The following CCDC85A variants were observed in gnomAD, a reference collection of about 807,000 sequenced individuals.
CCDC85A encodes the protein coiled-coil domain-containing protein 85A.
Under a neutral mutation model 50.2 loss-of-function variants are expected in CCDC85A, and 38 were observed. The ratio of observed to expected loss-of-function variants is 0.76; its 90% CI spans 0.58 to 0.99. CCDC85A has a LOEUF of 0.99. CCDC85A is among the 50% of genes least tolerant of loss of function. The pLI is 0.00. For synonymous variants in CCDC85A, 366 were observed against 301.4 expected, an observed-to-expected ratio of 1.21 and a Z score of -2.22; for missense variants, 820 against 742.0, an observed-to-expected ratio of 1.11 and a Z score of -1.22.
intron 3 of CCDC85A, among the ~76,000 whole-genome samples, chr2:56,359,480 C>T (rs757154194): frequency 5.9e-5 from 9 of 152,222 alleles, no homozygotes; most frequent in African/African-American, 1.2e-4. Context: ...TGTTTCCTGG[C>T]GATCTCTTCC....
chr2:56,316,520 G>A (rs1351370381), intron 2 of CCDC85A, among the ~76,000 whole-genome samples: 1 of 151,994 alleles, frequency 6.6e-6, no homozygotes, highest in Admixed American at 6.6e-5. Context: ...GAAGCTCAGT[G>A]GTCAATTCTT....
Position 56,358,221 on chromosome 2 carries a change from G to T in CCDC85A, c.1318-14123G>T, listed in dbSNP as rs190398548. 5.5e-4 allele frequency among the ~76,000 whole-genome samples: 84 copies of T among 152,276 alleles called. No homozygotes were observed. In the East Asian group the frequency reaches 0.016, roughly 29 times the overall value. On this transcript the variant is annotated intron_variant, in intron 3 of 5. Coordinates refer to ENST00000407595, the MANE Select transcript of CCDC85A (RefSeq NM_001080433.2). ...GGGGTCTGAATACGACAGATCCCAG[G>T]AAACCTGGGCTTTAGTTTCTAGTCC...
chr2:56,340,626 A>T (rs767471952), intron 2 of CCDC85A, among the ~76,000 whole-genome samples: 51 of 152,122 alleles, frequency 3.4e-4, no homozygotes, highest in Admixed American at 6.5e-4. Context: ...CTGTAATCCC[A>T]GCACTTTGGG....
Position 56,192,268 on chromosome 2 carries a change from G to A in CCDC85A, c.277-209G>A, listed in dbSNP as rs1676329671. ...GTAAAAATTAGATGACATAATGCAA[G>A]TAAAGTATTGTGCAGGGATAGAACT... On this transcript the variant is annotated intron_variant, in intron 1 of 5. Transcript: ENST00000407595. This position sits in a 1 kb window ranked among gnomAD's most constrained non-coding sequence, Gnocchi z 4.7. Among the ~76,000 whole-genome samples, 1 of 152,176 alleles carries A rather than the reference G, an allele frequency of 6.6e-6. No homozygotes were observed. Among genetic ancestry groups the A allele is most frequent in the South Asian group, 2.1e-4 (1 of 4,834 alleles).
intron 2 of CCDC85A, among the ~76,000 whole-genome samples, chr2:56,245,010 G>A (rs1405404837): frequency 6.6e-6 from 1 of 152,088 alleles, no homozygotes; most frequent in Non-Finnish European, 1.5e-5. Context: ...CTCTTTTGGA[G>A]CTGCAAGCTG....
At chr2:56,226,323 T>C (rs1255430964) in intron 2 of CCDC85A, among the ~76,000 whole-genome samples, 2 of 152,212 alleles carry the variant, frequency 1.3e-5, no homozygotes, top group Non-Finnish European at 2.9e-5. Context: ...TTGCTTTGCT[T>C]ACCATTGGTT....
At chr2:56,294,545 T>C (rs1671863685) in intron 2 of CCDC85A, among the ~76,000 whole-genome samples, 1 of 152,242 alleles carries the variant, frequency 6.6e-6, no homozygotes, top group African/African-American at 2.4e-5. Flanking sequence ...GATCTAGGAA[T>C]GGCTTCTTGG....
In CCDC85A at chr2:56,185,036, C is replaced by T. The variant is rs538146349; in HGVS notation, c.276+136C>T. 5.6e-6 allele frequency: 6 copies of T among 1,070,142 alleles called. No homozygotes were observed. In the African/African-American group the frequency reaches 1.0e-4, roughly 18 times the overall value. The allele number at this position is 1,070,142 out of a possible 1,614,324, so 66.3% of individuals were successfully genotyped here. On this transcript the variant is annotated intron_variant, in intron 1 of 5. Transcript: ENST00000407595. Reference sequence around the variant, plus strand: ...TTCTCCCGGTCGGCACCCCCTACCCCCAGTCCCCAGCCCCTGTGTAACTTT... The same window carrying T: ...TTCTCCCGGTCGGCACCCCCTACCCTCAGTCCCCAGCCCCTGTGTAACTTT...
intron 2 of CCDC85A, among the ~76,000 whole-genome samples, chr2:56,237,326 G>T (rs1669063256): frequency 3.9e-5 from 6 of 152,128 alleles, no homozygotes; most frequent in Admixed American, 3.9e-4. Context: ...TACATAACAG[G>T]CAGGCCCAGC....
At chr2:56,235,634 T>C (rs1573072752) in intron 2 of CCDC85A, among the ~76,000 whole-genome samples, 1 of 152,100 alleles carries the variant, frequency 6.6e-6, no homozygotes, top group African/African-American at 2.4e-5. Context: ...CAGGCATCAG[T>C]GTCATAATAT....
In CCDC85A at chr2:56,229,856, C is replaced by T. The variant is rs974116488; in HGVS notation, c.1240+36416C>T. ...CAAAGATGAATCAGCTCCAACAAAT[C>T]GGTTTTCACCAGGGAATTAATATGA... On this transcript the variant is annotated intron_variant, in intron 2 of 5. Coordinates refer to ENST00000407595, the MANE Select transcript of CCDC85A (RefSeq NM_001080433.2). Among the ~76,000 whole-genome samples the T allele has an allele frequency of 4.6e-5, 7 of 152,164 alleles. No homozygotes were observed. In the East Asian group the frequency reaches 7.7e-4, roughly 17 times the overall value.
At chr2:56,202,753 C>T (rs1676796439) in intron 2 of CCDC85A, among the ~76,000 whole-genome samples, 1 of 152,184 alleles carries the variant, frequency 6.6e-6, no homozygotes. Context: ...GATTTTTGTT[C>T]ATAGCAGCCT....
intron 2 of CCDC85A, among the ~76,000 whole-genome samples, chr2:56,194,831 ACT>A (rs1439837048): frequency 3.3e-5 from 5 of 151,498 alleles, no homozygotes; most frequent in Non-Finnish European, 7.4e-5. Flanking sequence ...ACCTTCACTC[ACT>A]CTTCCCAAGA....
chr2:56,329,783 A>G (rs1009234150), intron 2 of CCDC85A, among the ~76,000 whole-genome samples: 1 of 152,086 alleles, frequency 6.6e-6, no homozygotes, highest in African/African-American at 2.4e-5. Flanking sequence ...TAATTTGATA[A>G]AAATTATTTT....
At chr2:56,317,590 A>G (rs1447762182) in intron 2 of CCDC85A, among the ~76,000 whole-genome samples, 1 of 152,106 alleles carries the variant, frequency 6.6e-6, no homozygotes, top group East Asian at 1.9e-4. Context: ...TTGGAATTGT[A>G]TTCATAATTG....
At chr2:56,251,968 G>A (rs1312629715) in intron 2 of CCDC85A, among the ~76,000 whole-genome samples, 2 of 151,500 alleles carry the variant, frequency 1.3e-5, no homozygotes, top group East Asian at 3.9e-4. Flanking sequence ...TTGTCGGATA[G>A]TCTGTGCTAT....
Position 56,269,482 on chromosome 2 carries a change from A to G in CCDC85A, c.1241-73397A>G, listed in dbSNP as rs954446467. 3.3e-5 allele frequency among the ~76,000 whole-genome samples: 5 copies of G among 152,076 alleles called. 1 individual carries two copies. Among genetic ancestry groups the G allele is most frequent in the South Asian group, 4.1e-4 (2 of 4,822 alleles). On this transcript the variant is annotated intron_variant, in intron 2 of 5. Coordinates refer to ENST00000407595, the MANE Select transcript of CCDC85A (RefSeq NM_001080433.2). ...TGAAAACATTGCTAGGGCTCCTCCT[A>G]TGTTCTTGGAAGAGGCCCTTACAAG...
At position 56,287,504 on chromosome 2, in the gene CCDC85A, A is replaced by G. The variant is rs1490553156; in HGVS notation, c.1241-55375A>G. 2.6e-5 allele frequency among the ~76,000 whole-genome samples: 4 copies of G among 152,320 alleles called. No homozygotes were observed. In the East Asian group the frequency reaches 7.7e-4, roughly 29 times the overall value. On this transcript the variant is annotated intron_variant, in intron 2 of 5. Transcript: ENST00000407595. ...ATGTCTGAAAACAGGCCAGTATTCC[A>G]CCAACTTTCTAGTTGTTTATGGCAG...
intron 3 of CCDC85A, among the ~76,000 whole-genome samples, chr2:56,366,078 G>T (rs566165978): frequency 6.6e-6 from 1 of 152,270 alleles, no homozygotes; most frequent in Admixed American, 6.5e-5. Flanking sequence ...GTTGTGACAA[G>T]TGACAGGATT....
Sources: allele counts gnomAD v4.1 joint callset (sites outside exome capture counted in the v4.1 genomes callset), GRCh38; gene constraint gnomAD v4.1.1; non-coding constraint Gnocchi (gnomAD v3.1); transcripts MANE v1.5; gene names NCBI Gene and HGNC (gene_info 2026-07-23, HGNC 2026-07-21).